TRPC5: variants seen among roughly 807,000 people sequenced by gnomAD.
The protein encoded by TRPC5 is short transient receptor potential channel 5.
TRPC5 carries 9 observed loss-of-function variants against 56.5 expected under a neutral mutation model. That is an observed-to-expected ratio of 0.16 (90% CI 0.10 to 0.28). The LOEUF (loss-of-function observed/expected upper bound fraction) is 0.28, where lower values mean the gene tolerates loss of function less well. TRPC5 is among the 10% of genes least tolerant of loss of function. The pLI is 1.00. For synonymous variants in TRPC5, 282 were observed against 278.5 expected, an observed-to-expected ratio of 1.01 and a Z score of -0.13; for missense variants, 469 against 748.9, an observed-to-expected ratio of 0.63 and a Z score of 4.36.
chrX:111,879,879 T>C (rs891832769), intron 3 of TRPC5, among the ~76,000 whole-genome samples: 2 of 111,561 alleles, frequency 1.8e-5, no homozygotes. Flanking sequence ...ATTGTGCTAG[T>C]GTGATTTAGG....
chrX:112,079,129 G>A (rs1436355605), intron 1 of TRPC5, among the ~76,000 whole-genome samples: 7 of 111,800 alleles, frequency 6.3e-5, no homozygotes, highest in South Asian at 3.7e-4. Flanking sequence ...GAGATTCTGC[G>A]CCTTATATTC....
At chrX:112,037,601 T>C (rs1929780869) in intron 1 of TRPC5, among the ~76,000 whole-genome samples, 1 of 111,948 alleles carries the variant, frequency 8.9e-6, no homozygotes, top group Non-Finnish European at 1.9e-5. Flanking sequence ...AACTAAGTTA[T>C]ACAATTTCTT....
At chrX:111,865,672 C>T (rs1224862737) in intron 3 of TRPC5, among the ~76,000 whole-genome samples, 1 of 111,787 alleles carries the variant, frequency 8.9e-6, no homozygotes, top group Admixed American at 9.5e-5. Context: ...GGACTGGGAG[C>T]TTGTCTTATT....
chrX:111,920,990 A>G (rs1345628181), intron 2 of TRPC5, among the ~76,000 whole-genome samples: 2 of 112,141 alleles, frequency 1.8e-5, no homozygotes, highest in African/African-American at 6.5e-5. Flanking sequence ...CTTTGACTTA[A>G]TTTAAAACTC....
rs774551000 is a variant in TRPC5 at position 111,913,733 on chromosome X, A to G, written c.379-921T>C. ...CCCAGCACTTTGGGAGGCCGAGGCG[A>G]GCGGATCATGAGGTCAAGAGATAGA... is the stretch of plus-strand genomic sequence containing the variant. On this transcript the variant is annotated intron_variant, in intron 2 of 10. Transcript: ENST00000262839. Among the ~76,000 whole-genome samples the G allele has an allele frequency of 3.6e-5, 4 of 111,073 alleles. No individual in the cohort carries two copies. In the South Asian group the frequency reaches 1.5e-3, roughly 43 times the overall value.
chrX:112,018,347 G>A (rs1278010179), intron 1 of TRPC5, among the ~76,000 whole-genome samples: 3 of 112,615 alleles, frequency 2.7e-5, no homozygotes, highest in Non-Finnish European at 5.6e-5. Flanking sequence ...TTGGCTAAAA[G>A]GTTCATGGAA....
At chrX:112,067,681 A>G (rs1286849345) in intron 1 of TRPC5, among the ~76,000 whole-genome samples, 1 of 111,687 alleles carries the variant, frequency 9.0e-6, no homozygotes, top group Non-Finnish European at 1.9e-5. Context: ...GAGCCCTTGA[A>G]ACCTACTGCT....
chrX:111,834,757 C>T (rs1922515141), intron 7 of TRPC5, among the ~76,000 whole-genome samples, 164 bp downstream of exon 7: 1 of 112,124 alleles, frequency 8.9e-6, no homozygotes, highest in African/African-American at 3.2e-5. Context: ...AAGAGTCCAA[C>T]CTGAATTGCA....
chrX:111,770,547 T>A lies in TRPC5; in HGVS notation c.*5766A>T, dbSNP rs1267379407. On this transcript the variant is annotated 3_prime_UTR_variant, in exon 11 of 11. Coordinates refer to ENST00000262839, the MANE Select transcript of TRPC5 (RefSeq NM_012471.3). The stretch of plus-strand genomic sequence containing the variant: ...CAGGTTATTCATCTCAATTTGGCCA[T>A]CCAAAAAACTGACAATTTGGTGGTT... Among the ~76,000 whole-genome samples, 2 of 112,053 alleles carry A rather than the reference T, an allele frequency of 1.8e-5. No homozygotes were observed. Among genetic ancestry groups the A allele is most frequent in the African/African-American group, 6.5e-5 (2 of 30,853 alleles).
chrX:111,777,818 T>C (rs1945890303), intron 10 of TRPC5, among the ~76,000 whole-genome samples: 2 of 112,749 alleles, frequency 1.8e-5, no homozygotes, highest in South Asian at 7.3e-4. Flanking sequence ...AGCTTAAGCA[T>C]CACTTCCATT....
chrX:111,967,991 A>G (rs1393876983), intron 1 of TRPC5, among the ~76,000 whole-genome samples: 6 of 111,027 alleles, frequency 5.4e-5, no homozygotes, highest in Admixed American at 3.8e-4. Context: ...ATTAAACTAA[A>G]GAGCTTCTGC....
chrX:111,970,896 A>G (rs1927764924), intron 1 of TRPC5, among the ~76,000 whole-genome samples: 1 of 105,199 alleles, frequency 9.5e-6, no homozygotes. Flanking sequence ...CAGCCTCCCC[A>G]GCTCCCGATT....
At chrX:111,906,837 A>G (rs1187440552) in intron 3 of TRPC5, among the ~76,000 whole-genome samples, 3 of 111,540 alleles carry the variant, frequency 2.7e-5, no homozygotes, top group Non-Finnish European at 5.6e-5. Flanking sequence ...GCAAGTTGTC[A>G]TCAGGTATGG....
At chrX:112,074,909 C>T (rs910664375) in intron 1 of TRPC5, among the ~76,000 whole-genome samples, 2 of 112,303 alleles carry the variant, frequency 1.8e-5, no homozygotes, top group African/African-American at 3.2e-5. Context: ...TCCAACTAGC[C>T]CTCTCATTTT....
intron 7 of TRPC5, among the ~76,000 whole-genome samples, chrX:111,828,445 C>T (rs1184573985): frequency 1.8e-5 from 2 of 112,058 alleles, no homozygotes; most frequent in African/African-American, 6.5e-5. Context: ...TGGCTTCCAC[C>T]ATGATTGTAA....
chrX:111,881,145 T>TATTTTATTTTATTTTA (rs201802293), intron 3 of TRPC5, among the ~76,000 whole-genome samples: 140 of 95,038 alleles, frequency 1.5e-3, no homozygotes, highest in African/African-American at 7.6e-3. Context: ...GATTTTCTTT[T>TATTTTATTTTATTTTA]GTTTATTTTA....
At chrX:111,874,303 G>T (rs1364015376) in intron 3 of TRPC5, among the ~76,000 whole-genome samples, 1 of 112,393 alleles carries the variant, frequency 8.9e-6, no homozygotes, top group Non-Finnish European at 1.9e-5. Context: ...GAAGTCAAGA[G>T]ACTTTCTTGC....
intron 1 of TRPC5, among the ~76,000 whole-genome samples, chrX:112,066,423 C>CT (rs1048647703): frequency 8.9e-6 from 1 of 111,769 alleles, no homozygotes; most frequent in Non-Finnish European, 1.9e-5. Flanking sequence ...TTCATGGTGC[C>CT]TACCATCAAT....
Position 111,774,229 on chromosome X carries a change from CTT to C in TRPC5, c.*2082_*2083del, listed in dbSNP as rs1945861054. On this transcript the variant is annotated 3_prime_UTR_variant, in exon 11 of 11. Coordinates refer to ENST00000262839, the MANE Select transcript of TRPC5 (RefSeq NM_012471.3). ...AGTTGATAAGGTCACTGCTAGAAAACTTATAAGTTTTCAGAAGTGATATACAT... is the reference window on the plus strand; with the variant it reads ...AGTTGATAAGGTCACTGCTAGAAAACATAAGTTTTCAGAAGTGATATACAT... The C allele has an allele frequency of 8.9e-6, 1 of 111,995 alleles. No homozygotes were observed. The highest frequency in any genetic ancestry group is 3.7e-4 in the South Asian group (1 of 2,686). 9.2% of individuals were successfully genotyped at this position (111,995 alleles called of 1,213,427 possible). A position where few individuals can be genotyped will look rare whatever the true frequency, so the allele number is the denominator to read the frequency against.
Sources: gnomAD v4.1 joint callset for allele counts (sites outside exome capture counted in the v4.1 genomes callset) on GRCh38, gnomAD v4.1.1 for gene constraint, MANE v1.5 for transcripts, NCBI Gene and HGNC (gene_info 2026-07-23, HGNC 2026-07-21) for gene names.